Variants in LOXHD1 observed in about 807,000 individuals in gnomAD.
LOXHD1 encodes lipoxygenase homology domain-containing protein 1.
A neutral mutation model predicts 248.2 loss-of-function variants in LOXHD1; 205 were observed. The observed-to-expected ratio is 0.83, with a 90% CI of 0.74 to 0.93. The LOEUF is 0.93. Ranked by LOEUF, LOXHD1 falls within the 40% of genes least tolerant of loss-of-function variation. The pLI is 0.00. For synonymous variants in LOXHD1, 1,113 were observed against 1,162.8 expected (o/e 0.96, Z 0.87); for missense variants, 2,930 against 2,971.6 (o/e 0.99, Z 0.33).
chr18:46,565,552 C>G (rs1294339368), intron 17 of LOXHD1, among the ~76,000 whole-genome samples: 3 of 152,178 alleles, frequency 2.0e-5, no homozygotes, highest in Non-Finnish European at 4.4e-5. Flanking sequence ...CTCAATAGAC[C>G]GTCATTCCTC....
At chr18:46,512,626 C>T (rs569550957) in intron 34 of LOXHD1, among the ~76,000 whole-genome samples, 28 of 152,336 alleles carry the variant, frequency 1.8e-4, no homozygotes, top group Middle Eastern at 6.8e-3. Context: ...GCTTAGACAG[C>T]TCTACTGATG....
At position 46,657,171 on chromosome 18, in the gene LOXHD1, C is replaced by G. The variant is rs2039194599; in HGVS notation, c.-138G>C. 22 of 1,407,066 alleles carry G rather than the reference C, an allele frequency of 1.6e-5. No homozygotes were observed. Among genetic ancestry groups the G allele is most frequent in the Non-Finnish European group, 2.1e-5 (22 of 1,048,546 alleles). 87.2% of individuals were successfully genotyped at this position (1,407,066 alleles called of 1,614,324 possible). On this transcript the variant is annotated 5_prime_UTR_variant, in exon 1 of 41. Transcript: ENST00000642948. ...CAGGCCTGGGTGGGCCAGAGTGCCC[C>G]GTTTTCTTGGCTTCCCCGTGCCCAA...
Position 46,524,557 on chromosome 18 carries a change from G to A in LOXHD1, c.4785C>T (p.Asp1595=). Residue 1595 remains aspartate (D), a synonymous_variant, in exon 31 of 41, where the codon GAC becomes GAT. Transcript: ENST00000642948. The stretch of plus-strand genomic sequence containing the variant: ...TGGAGCTCAGGGCGATCTCCCAGAA[G>A]TCAGCAGGGCTGCTGCAGTTGCTGC... ...DRSSNCSSPA[D]FWEIALSSKM... 12 of 1,551,760 alleles carry A rather than the reference G, an allele frequency of 7.7e-6. No homozygotes were observed. Among genetic ancestry groups the A allele is most frequent in the Non-Finnish European group, 1.0e-5 (12 of 1,147,010 alleles).
At chr18:46,598,283 C>A (rs1371426433) in intron 8 of LOXHD1, among the ~76,000 whole-genome samples, 1 of 151,958 alleles carries the variant, frequency 6.6e-6, no homozygotes, top group Non-Finnish European at 1.5e-5. Flanking sequence ...CATAAAAACT[C>A]CTTACAATAT....
chr18:46,485,557 T>C (rs1463132886), intron 38 of LOXHD1, among the ~76,000 whole-genome samples: 1 of 151,914 alleles, frequency 6.6e-6, no homozygotes, highest in African/African-American at 2.4e-5. Context: ...TTGCACTTGC[T>C]CCAGCAAGCA....
chr18:46,561,511 T>G (rs2037530046), intron 18 of LOXHD1, among the ~76,000 whole-genome samples: 1 of 152,208 alleles, frequency 6.6e-6, no homozygotes, highest in Non-Finnish European at 1.5e-5. Flanking sequence ...CCTCCCAAGC[T>G]TCCTGATGCT....
At chr18:46,571,538 C>T (rs946922434) in intron 15 of LOXHD1, among the ~76,000 whole-genome samples, 2 of 152,100 alleles carry the variant, frequency 1.3e-5, no homozygotes, top group Admixed American at 1.3e-4. Flanking sequence ...TCCATCTGAC[C>T]CATGGACAAC....
At chr18:46,582,498 T>C (rs764099930) in intron 12 of LOXHD1, among the ~76,000 whole-genome samples, 1 of 151,814 alleles carries the variant, frequency 6.6e-6, no homozygotes, top group Non-Finnish European at 1.5e-5. Context: ...AGTAAGAATA[T>C]AAAAATGTAT....
chr18:46,607,595 A>C (rs1472785025), intron 6 of LOXHD1, among the ~76,000 whole-genome samples: 2 of 151,896 alleles, frequency 1.3e-5, no homozygotes, highest in South Asian at 4.1e-4. Flanking sequence ...TTTGTTGTTT[A>C]TTTGTATTTT....
intron 34 of LOXHD1, among the ~76,000 whole-genome samples, chr18:46,511,143 C>A (rs931402094): frequency 9.9e-5 from 15 of 152,194 alleles, no homozygotes; most frequent in Admixed American, 7.9e-4. Flanking sequence ...TGGAAGACTG[C>A]AAGGAGATTA....
In LOXHD1 at chr18:46,644,571, G is replaced by T. The variant is rs2039004292; in HGVS notation, c.246-2535C>A. 2.0e-5 allele frequency among the ~76,000 whole-genome samples: 3 copies of T among 152,028 alleles called. No homozygotes were observed. In the South Asian group the frequency reaches 6.2e-4, roughly 32 times the overall value. On this transcript the variant is annotated intron_variant, in intron 2 of 40. Coordinates refer to ENST00000642948, the MANE Select transcript of LOXHD1 (RefSeq NM_001384474.1). ...AGCTCTACAAAAAAATTTAAAAATTGGCTGGGCCTGGTGGTGTGCACCTGT... is the reference window on the plus strand; with the variant it reads ...AGCTCTACAAAAAAATTTAAAAATTTGCTGGGCCTGGTGGTGTGCACCTGT...
At chr18:46,604,962 A>G (rs546175107) in intron 6 of LOXHD1, among the ~76,000 whole-genome samples, 3 of 152,330 alleles carry the variant, frequency 2.0e-5, no homozygotes, top group Admixed American at 2.0e-4. Flanking sequence ...GTCAACATGT[A>G]TCTCATAACA....
At chr18:46,487,296 G>A (rs887937574) in intron 38 of LOXHD1, among the ~76,000 whole-genome samples, 1 of 152,246 alleles carries the variant, frequency 6.6e-6, no homozygotes, top group Non-Finnish European at 1.5e-5. Context: ...TCCTGGGCAT[G>A]GCATCTGCAG....
intron 24 of LOXHD1, 48 bp from the exon 25 acceptor site, chr18:46,541,988 G>A (rs1334896547): frequency 6.7e-7 from 1 of 1,497,976 alleles, no homozygotes; most frequent in Non-Finnish European, 8.9e-7. Flanking sequence ...GAGCAGAGAT[G>A]ATTTCCTGTG....
chr18:46,540,654 C>CTTTTTTTTTTTTTTTTT (rs60099172), intron 25 of LOXHD1, among the ~76,000 whole-genome samples: 2 of 91,402 alleles, frequency 2.2e-5, no homozygotes, highest in Non-Finnish European at 4.0e-5. Context: ...AACTCTTTAT[C>CTTTTTTTTTTTTTTTTT]TTTTTTTTTT....
chr18:46,516,212 T>C (rs1568124174), intron 34 of LOXHD1, among the ~76,000 whole-genome samples: 1 of 152,174 alleles, frequency 6.6e-6, no homozygotes, highest in African/African-American at 2.4e-5. Context: ...CCTCTATGTG[T>C]CTCAGGCATC....
intron 7 of LOXHD1, 113 bp downstream of exon 7, chr18:46,603,993 C>A: frequency 7.2e-7 from 1 of 1,398,258 alleles, no homozygotes; most frequent in East Asian, 2.5e-5. Flanking sequence ...ATGCTGTCTG[C>A]AGACCCAGCT....
intron 3 of LOXHD1, among the ~76,000 whole-genome samples, chr18:46,640,057 A>G (rs1159040099): frequency 6.6e-6 from 1 of 152,102 alleles, no homozygotes; most frequent in African/African-American, 2.4e-5. Context: ...AAAATCCAAG[A>G]TCCCTAGGGC....
chr18:46,502,000 C>G (rs1025114151), intron 37 of LOXHD1, among the ~76,000 whole-genome samples: 1 of 152,158 alleles, frequency 6.6e-6, no homozygotes, highest in Non-Finnish European at 1.5e-5. Context: ...CTGTTACATA[C>G]AGTGGCTTAA....
Sources: gnomAD v4.1 joint callset for allele counts (sites outside exome capture counted in the v4.1 genomes callset) on GRCh38, gnomAD v4.1.1 for gene constraint, MANE v1.5 for transcripts, NCBI Gene and HGNC (gene_info 2026-07-23, HGNC 2026-07-21) for gene names.